Variants in CDH23 observed in about 807,000 individuals in gnomAD.
The protein encoded by CDH23 is cadherin related 23.
Under a neutral mutation model 317.1 loss-of-function variants are expected in CDH23, and 189 were observed. The observed-to-expected ratio is 0.60, with a 90% CI of 0.53 to 0.67. The LOEUF (loss-of-function observed/expected upper bound fraction) is 0.67, where lower values mean the gene tolerates loss of function less well. CDH23 is among the 30% of genes least tolerant of loss of function. CDH23 has a pLI of 0.00. For synonymous variants in CDH23, 1,839 were observed against 1,876.8 expected, an observed-to-expected ratio of 0.98 and a Z score of 0.52; for missense variants, 4,401 against 4,592.4, an observed-to-expected ratio of 0.96 and a Z score of 1.20.
chr10:71,524,575 C>T (rs752114372), intron 6 of CDH23, among the ~76,000 whole-genome samples: 23 of 152,264 alleles, frequency 1.5e-4, no homozygotes, highest in Non-Finnish European at 2.8e-4. Flanking sequence ...CCCCCTTGCC[C>T]ACCAAAGATG....
At chr10:71,532,711 G>GTTTTTTTTTTTTTTTGTTTTTTTTT (rs1302196155) in intron 6 of CDH23, among the ~76,000 whole-genome samples, 1 of 128,100 alleles carries the variant, frequency 7.8e-6, no homozygotes, top group Non-Finnish European at 1.8e-5. Flanking sequence ...TTTTGTTTTT[G>GTTTTTTTTTTTTTTTGTTTTTTTTT]TTTTTTTTTT....
At chr10:71,700,649 T>C (rs1420708330) in intron 22 of CDH23, among the ~76,000 whole-genome samples, 5 of 152,152 alleles carry the variant, frequency 3.3e-5, no homozygotes, top group African/African-American at 9.7e-5. Flanking sequence ...CCTCTACCCT[T>C]TGGTGCTGCG....
intron 6 of CDH23, among the ~76,000 whole-genome samples, chr10:71,565,518 A>G (rs1242706079): frequency 1.3e-5 from 2 of 152,150 alleles, no homozygotes; most frequent in African/African-American, 4.8e-5. Flanking sequence ...GAAAGGCAGA[A>G]CTGGGTGGAT....
intron 6 of CDH23, among the ~76,000 whole-genome samples, chr10:71,523,013 A>G (rs941576517): frequency 6.6e-6 from 1 of 152,152 alleles, no homozygotes; most frequent in Admixed American, 6.5e-5. Flanking sequence ...CCCCCAAAGC[A>G]AGCCCAAATG....
chr10:71,620,905 C>T (rs1162596831), intron 11 of CDH23, among the ~76,000 whole-genome samples: 2 of 152,152 alleles, frequency 1.3e-5, no homozygotes, highest in African/African-American at 2.4e-5. Context: ...GCCCTGCTCT[C>T]GTGTATCTCA....
intron 18 of CDH23, among the ~76,000 whole-genome samples, chr10:71,685,429 G>A (rs1233667113): frequency 2.0e-5 from 3 of 152,208 alleles, no homozygotes; most frequent in South Asian, 2.1e-4. Flanking sequence ...AAAAGGGGCC[G>A]GAGCATGCAG....
chr10:71,446,270 A>G (rs756171646), intron 2 of CDH23, 48 bp from the exon 3 acceptor site: 137 of 1,570,974 alleles, frequency 8.7e-5, no homozygotes, highest in Admixed American at 4.0e-4. Context: ...AGAGTGTGTA[A>G]AGCTGATGGG....
intron 11 of CDH23, among the ~76,000 whole-genome samples, chr10:71,627,418 CG>C (rs1861792353): frequency 1.3e-5 from 2 of 152,216 alleles, no homozygotes; most frequent in South Asian, 4.1e-4. Flanking sequence ...TGTCCATGGC[CG>C]CATCCTATGG....
In CDH23 at chr10:71,418,243, A is replaced by G. The variant is rs144836642; in HGVS notation, c.-6+20925A>G. 4.0e-3 allele frequency among the ~76,000 whole-genome samples: 615 copies of G among 152,210 alleles called. 3 individuals carry two copies. Among genetic ancestry groups the G allele is most frequent in the African/African-American group, 0.013 (531 of 41,518 alleles). ...AGTAATGTTTTAATGAATGTCAGTC[A>G]TTTCGTATGAAAAATTGTAGAGGAT... On this transcript the variant is annotated intron_variant, in intron 1 of 69. Transcript: ENST00000224721.
intron 28 of CDH23, chr10:71,716,328 C>T: frequency 6.7e-7 from 1 of 1,485,002 alleles, no homozygotes; most frequent in Non-Finnish European, 9.0e-7. Flanking sequence ...CTGGGGCCCT[C>T]TGTGCTCATG....
chr10:71,403,442 TTCCTTCCTTCCTTTCC>T lies in CDH23; in HGVS notation c.-6+6126_-6+6141del, dbSNP rs1168431398. Reference sequence around the variant, plus strand: ...CTTCCTTCCTTCCTTCCTTCCTTCCTTCCTTCCTTCCTTTCCTTCCTTCCTTCCTTCCTTCCTTCCT... The same window carrying T: ...CTTCCTTCCTTCCTTCCTTCCTTCCTTTCCTTCCTTCCTTCCTTCCTTCCT... On this transcript the variant is annotated intron_variant, in intron 1 of 69. Coordinates refer to ENST00000224721, the MANE Select transcript of CDH23 (RefSeq NM_022124.6). 5.0e-4 allele frequency among the ~76,000 whole-genome samples: 39 copies of T among 78,436 alleles called. 4 individuals are homozygous for T. Among genetic ancestry groups the T allele is most frequent in the East Asian group, 1.3e-3 (4 of 3,162 alleles). 51.5% of individuals were successfully genotyped at this position (78,436 alleles called of 152,430 possible).
At position 71,536,992 on chromosome 10, in the gene CDH23, C is replaced by A. The variant is rs917126807; in HGVS notation, c.429+25780C>A. Among the ~76,000 whole-genome samples the A allele has an allele frequency of 2.0e-5, 3 of 152,234 alleles. No individual in the cohort carries two copies. The South Asian group carries it at 6.2e-4, about 32-fold the overall frequency. ...GCAGAACCATTTGGATATTTGATTG[C>A]GAGGCTGCTCTGAAAGGCTCCATAT... On this transcript the variant is annotated intron_variant, in intron 6 of 69. Coordinates refer to ENST00000224721, the MANE Select transcript of CDH23 (RefSeq NM_022124.6).
At chr10:71,680,605 A>T (rs1453709431) in intron 17 of CDH23, among the ~76,000 whole-genome samples, 1 of 151,788 alleles carries the variant, frequency 6.6e-6, no homozygotes. Context: ...AAAATTGGCC[A>T]GGCGTGGTGG....
chr10:71,618,282 C>T (rs2132522418), intron 11 of CDH23, among the ~76,000 whole-genome samples: 1 of 152,174 alleles, frequency 6.6e-6, no homozygotes, highest in African/African-American at 2.4e-5. Context: ...GGGAGAGCTG[C>T]AGAGGAGGAG....
intron 11 of CDH23, among the ~76,000 whole-genome samples, chr10:71,626,095 G>A (rs188254503): frequency 4.3e-4 from 65 of 152,296 alleles, no homozygotes; most frequent in Middle Eastern, 3.4e-3. Context: ...ATCCTGAAGC[G>A]CATACAGGAT....
chr10:71,686,508 G>A (rs566446885), intron 18 of CDH23, among the ~76,000 whole-genome samples: 7 of 152,234 alleles, frequency 4.6e-5, no homozygotes, highest in African/African-American at 1.4e-4. Flanking sequence ...CCCAAGGGGG[G>A]TGCAGCCAGA....
intron 6 of CDH23, among the ~76,000 whole-genome samples, chr10:71,558,215 G>T (rs1209771898): frequency 6.6e-6 from 1 of 152,066 alleles, no homozygotes; most frequent in Non-Finnish European, 1.5e-5. Context: ...GACCAGGCTG[G>T]TCTCGAACTC....
chr10:71,741,211 C>T (rs774734529), intron 37 of CDH23, among the ~76,000 whole-genome samples: 12 of 152,148 alleles, frequency 7.9e-5, no homozygotes, highest in South Asian at 2.1e-4. Context: ...AGGTTTACCC[C>T]GGGAGCTTGC....
intron 41 of CDH23, 57 bp downstream of exon 41, chr10:71,779,504 G>A (rs1840900005): frequency 1.7e-5 from 25 of 1,454,134 alleles, no homozygotes; most frequent in Non-Finnish European, 2.1e-5. Context: ...CCCGCTCAGG[G>A]GAGGATAAGA....
Sources: allele counts gnomAD v4.1 joint callset (sites outside exome capture counted in the v4.1 genomes callset), GRCh38; gene constraint gnomAD v4.1.1; transcripts MANE v1.5; gene names NCBI Gene and HGNC (gene_info 2026-07-23, HGNC 2026-07-21).